CLNK: variants seen among roughly 807,000 people sequenced by gnomAD.
CLNK encodes cytokine dependent hematopoietic cell linker, also known as cytokine-dependent hematopoietic cell linker.
In CLNK, 74 loss-of-function variants were observed where a neutral mutation model predicts 68.6. That is an observed-to-expected ratio of 1.08 (90% CI 0.89 to 1.31). The LOEUF (loss-of-function observed/expected upper bound fraction) is 1.31, where lower values mean the gene tolerates loss of function less well. Ranked by LOEUF, CLNK falls within the 50% of genes most tolerant of loss-of-function variation. CLNK has a pLI of 0.00. For synonymous variants in CLNK, 198 were observed against 172.2 expected, an observed-to-expected ratio of 1.15 and a Z score of -1.17; for missense variants, 553 against 515.3, an observed-to-expected ratio of 1.07 and a Z score of -0.71.
chr4:10,712,888 G>C, the CLNK span, among the ~76,000 whole-genome samples: 2 of 152,260 alleles, frequency 1.3e-5, no homozygotes, highest in African/African-American at 4.8e-5. Flanking sequence ...GACTAAACTG[G>C]TCCTATGACC....
intron 4 of CLNK, among the ~76,000 whole-genome samples, chr4:10,573,706 A>G (rs181687033): frequency 2.0e-5 from 3 of 152,286 alleles, no homozygotes; most frequent in Admixed American, 1.3e-4. Flanking sequence ...ATTGGCCTCA[A>G]GGAGTGCGGT....
intron 2 of CLNK, among the ~76,000 whole-genome samples, chr4:10,610,433 C>T (rs1721968462): frequency 6.6e-6 from 1 of 151,116 alleles, no homozygotes; most frequent in South Asian, 2.1e-4. Flanking sequence ...AGAAAATAAT[C>T]CTGAATCTTT....
intron 14 of CLNK, among the ~76,000 whole-genome samples, chr4:10,522,255 C>T (rs113387109): frequency 6.0e-4 from 13 of 21,750 alleles, no homozygotes; most frequent in Non-Finnish European, 2.1e-4. Context: ...GAGACTCTGT[C>T]TCAAAAAAAA....
At chr4:10,510,638 G>C (rs898580945) in intron 16 of CLNK, among the ~76,000 whole-genome samples, 1 of 152,142 alleles carries the variant, frequency 6.6e-6, no homozygotes, top group Non-Finnish European at 1.5e-5. Flanking sequence ...CAGACCTTAA[G>C]TCTGAGAAGA....
At chr4:10,668,731 T>G (rs1724509184) in intron 1 of CLNK, among the ~76,000 whole-genome samples, 1 of 152,116 alleles carries the variant, frequency 6.6e-6, no homozygotes, top group Non-Finnish European at 1.5e-5. Context: ...GGTCTCTCTT[T>G]CTGGGTTGCG....
intron 2 of CLNK, among the ~76,000 whole-genome samples, chr4:10,601,383 G>T (rs1055715737): frequency 2.6e-5 from 4 of 152,120 alleles, no homozygotes; most frequent in African/African-American, 9.7e-5. Context: ...TAACAAGGCT[G>T]GAAAATAAAG....
upstream of CLNK, among the ~76,000 whole-genome samples, chr4:10,685,731 A>G (rs1436928554): frequency 1.3e-5 from 2 of 152,204 alleles, no homozygotes; most frequent in African/African-American, 4.8e-5. Flanking sequence ...GCTAATTGTG[A>G]GTCAGTTACA....
chr4:10,643,052 C>G (rs539546058), intron 2 of CLNK, among the ~76,000 whole-genome samples: 1 of 152,108 alleles, frequency 6.6e-6, no homozygotes, highest in Non-Finnish European at 1.5e-5. Context: ...TACTTAAAAC[C>G]GTGCGGTTCA....
chr4:10,552,153 G>A (rs1368992419), intron 8 of CLNK, among the ~76,000 whole-genome samples: 1 of 151,970 alleles, frequency 6.6e-6, no homozygotes, highest in Admixed American at 6.6e-5. Context: ...ACCACGCCCG[G>A]CCGAGAATTA....
intron 3 of CLNK, among the ~76,000 whole-genome samples, chr4:10,586,724 A>G (rs2108838097): frequency 6.6e-6 from 1 of 152,308 alleles, no homozygotes; most frequent in South Asian, 2.1e-4. Context: ...GAGCTGCACC[A>G]ATTTATATTA....
At chr4:10,648,140 A>T (rs1255874732) in intron 2 of CLNK, among the ~76,000 whole-genome samples, 1 of 152,196 alleles carries the variant, frequency 6.6e-6, no homozygotes, top group East Asian at 1.9e-4. Flanking sequence ...TTAGCTAAAT[A>T]TCTCAATGTA....
At position 10,607,972 on chromosome 4, in the gene CLNK, G is replaced by A. The variant is rs1484004827; in HGVS notation, c.12-9923C>T. Among the ~76,000 whole-genome samples, 3 of 152,184 alleles carry A rather than the reference G, an allele frequency of 2.0e-5. No individual in the cohort carries two copies. The East Asian group carries it at 5.8e-4, about 29-fold the overall frequency. On this transcript the variant is annotated intron_variant, in intron 2 of 18. Transcript: ENST00000226951. ...ATATCCTGAGCAATTTACTGTACCT[G>A]TGTTAAACAGAGAGGAATAAGAGTG...
intron 2 of CLNK, among the ~76,000 whole-genome samples, chr4:10,628,061 G>T (rs1364665597): frequency 1.3e-5 from 2 of 152,228 alleles, no homozygotes; most frequent in Non-Finnish European, 2.9e-5. Flanking sequence ...CTGGCATCCT[G>T]TGTAACCCTC....
the CLNK span, among the ~76,000 whole-genome samples, chr4:10,724,390 C>G: frequency 6.6e-6 from 1 of 152,168 alleles, no homozygotes. Flanking sequence ...GAATTTGAAT[C>G]CTTCTCATCC....
chr4:10,496,662 G>C (rs150415625), intron 18 of CLNK, among the ~76,000 whole-genome samples: 155 of 152,308 alleles, frequency 1.0e-3, no homozygotes, highest in African/African-American at 3.3e-3. Flanking sequence ...TTGTGGAAGC[G>C]AGGCATGAGA....
At chr4:10,513,842 A>T (rs1717713979) in intron 15 of CLNK, among the ~76,000 whole-genome samples, 1 of 144,522 alleles carries the variant, frequency 6.9e-6, no homozygotes, top group Non-Finnish European at 1.5e-5. Context: ...AATTATTATT[A>T]TTATTATTAT....
At chr4:10,605,237 T>C (rs1721741435) in intron 2 of CLNK, among the ~76,000 whole-genome samples, 1 of 152,204 alleles carries the variant, frequency 6.6e-6, no homozygotes, top group African/African-American at 2.4e-5. Context: ...TTGCTTTCTC[T>C]CTCTCTCTCT....
the CLNK span, among the ~76,000 whole-genome samples, chr4:10,693,386 G>C: frequency 6.6e-6 from 1 of 152,178 alleles, no homozygotes; most frequent in African/African-American, 2.4e-5. Context: ...AAAAAGAAGA[G>C]AGCTGTACAG....
chr4:10,543,400 G>A lies in CLNK; in HGVS notation c.446-1120C>T, dbSNP rs551812573. ...GAGACTTAAACCTCCACTGAACACC[G>A]GCTGGGTGGCTTCACACTGAGCATC... On this transcript the variant is annotated intron_variant, in intron 8 of 18. Transcript: ENST00000226951. Among the ~76,000 whole-genome samples, 9 of 152,214 alleles carry A rather than the reference G, an allele frequency of 5.9e-5. No individual in the cohort carries two copies. In the South Asian group the frequency reaches 1.5e-3, roughly 25 times the overall value.
Sources: gnomAD v4.1 joint callset for allele counts (sites outside exome capture counted in the v4.1 genomes callset) on GRCh38, gnomAD v4.1.1 for gene constraint, MANE v1.5 for transcripts, NCBI Gene and HGNC (gene_info 2026-07-23, HGNC 2026-07-21) for gene names.